Variants in FRMD5 observed in about 807,000 individuals in gnomAD.
FRMD5 encodes FERM domain containing 5, also known as FERM domain-containing protein 5.
FRMD5 carries 20 observed loss-of-function variants against 69.0 expected under a neutral mutation model. That is an observed-to-expected ratio of 0.29 (90% CI 0.20 to 0.42). The LOEUF (loss-of-function observed/expected upper bound fraction) is 0.42, where lower values mean the gene tolerates loss of function less well. Ranked by LOEUF, FRMD5 falls within the 10% of genes least tolerant of loss-of-function variation. FRMD5 has a pLI of 1.00. For missense variants in FRMD5, 595 were observed against 708.6 expected (o/e 0.84, Z 1.82); for synonymous variants, 271 against 260.1 (o/e 1.04, Z -0.40).
intron 1 of FRMD5, among the ~76,000 whole-genome samples, chr15:44,033,997 A>G (rs1014642316): frequency 4.6e-5 from 7 of 152,198 alleles, no homozygotes; most frequent in Non-Finnish European, 8.8e-5. Flanking sequence ...TTATACAGGA[A>G]AACACAATAG....
At chr15:44,049,036 T>C (rs894117129) in intron 1 of FRMD5, among the ~76,000 whole-genome samples, 1 of 152,200 alleles carries the variant, frequency 6.6e-6, no homozygotes, top group African/African-American at 2.4e-5. Context: ...ATTGCAATAG[T>C]GCAACCAACA....
At chr15:44,127,721 A>G (rs2615280) in intron 1 of FRMD5, among the ~76,000 whole-genome samples, 124,588 of 151,986 alleles carry the variant, frequency 0.82, 53,585 homozygotes, top group Non-Finnish European at 0.94. Context: ...AAAAAAATAC[A>G]AAAATTAGCT....
chr15:43,873,695 T>C lies in FRMD5; in HGVS notation c.*190A>G. 8 of 1,513,982 alleles carry C rather than the reference T, an allele frequency of 5.3e-6. No homozygotes were observed. The highest frequency in any genetic ancestry group is 7.0e-6 in the Non-Finnish European group (8 of 1,141,072). The allele number at this position is 1,513,982 out of a possible 1,614,324, so 93.8% of individuals were successfully genotyped here. A position where few individuals can be genotyped will look rare whatever the true frequency, so the allele number is the denominator to read the frequency against. The stretch of plus-strand genomic sequence containing the variant: ...CTGAAGAAAATGAGTTTTCCCAGTT[T>C]GTTTAGACAGGGCATGAGCCTATCC... On this transcript the variant is annotated 3_prime_UTR_variant, in exon 14 of 14. Transcript: ENST00000417257.
chr15:44,122,435 G>A (rs148852556), intron 1 of FRMD5, among the ~76,000 whole-genome samples: 2,097 of 152,102 alleles, frequency 0.014, 41 homozygotes, highest in African/African-American at 0.043. Flanking sequence ...GCATGGTGGT[G>A]CATGCCTGTA....
intron 1 of FRMD5, among the ~76,000 whole-genome samples, chr15:44,102,875 C>T (rs892844207): frequency 6.6e-6 from 1 of 152,158 alleles, no homozygotes; most frequent in Non-Finnish European, 1.5e-5. Flanking sequence ...ATCAGAAAGG[C>T]TCACTAGTCA....
intron 1 of FRMD5, among the ~76,000 whole-genome samples, chr15:44,088,632 G>C (rs1894303602): frequency 6.6e-6 from 1 of 152,118 alleles, no homozygotes; most frequent in African/African-American, 2.4e-5. Context: ...ACTCAGGACT[G>C]AAGTTAAGAG....
intron 1 of FRMD5, among the ~76,000 whole-genome samples, chr15:44,084,170 C>G (rs531970660): frequency 1.1e-4 from 16 of 151,914 alleles, no homozygotes; most frequent in African/African-American, 2.9e-4. Flanking sequence ...TATAATGAGG[C>G]GGCTAATCTC....
At chr15:43,886,314 A>G (rs1374198987) in intron 10 of FRMD5, among the ~76,000 whole-genome samples, 2 of 152,194 alleles carry the variant, frequency 1.3e-5, no homozygotes, top group African/African-American at 2.4e-5. Context: ...CCTAAAATAC[A>G]TGACCACAGT....
intron 1 of FRMD5, among the ~76,000 whole-genome samples, chr15:43,938,055 C>G (rs983128097): frequency 5.3e-5 from 8 of 151,894 alleles, no homozygotes; most frequent in African/African-American, 1.9e-4. Context: ...CACGGTGAAA[C>G]TCTGTCTCTA....
At chr15:44,019,464 G>A (rs1196139110) in intron 1 of FRMD5, among the ~76,000 whole-genome samples, 10 of 150,526 alleles carry the variant, frequency 6.6e-5, no homozygotes, top group South Asian at 2.1e-4. Flanking sequence ...GGCCAGGCAC[G>A]GTGCCTCACA....
At chr15:43,913,303 A>G (rs576553112) in intron 4 of FRMD5, among the ~76,000 whole-genome samples, 25 of 152,354 alleles carry the variant, frequency 1.6e-4, no homozygotes, top group African/African-American at 6.0e-4. Context: ...CAATGTCATA[A>G]AACTAGATGG....
At chr15:44,050,524 C>T (rs568333374) in intron 1 of FRMD5, among the ~76,000 whole-genome samples, 9 of 115,610 alleles carry the variant, frequency 7.8e-5, no homozygotes, top group Non-Finnish European at 1.4e-4. Flanking sequence ...CCATGCCTGG[C>T]TCCCTTTTTT....
At chr15:44,174,872 A>C (rs75692941) in intron 1 of FRMD5, among the ~76,000 whole-genome samples, 5,541 of 152,128 alleles carry the variant, frequency 0.036, 312 homozygotes, top group African/African-American at 0.11. Flanking sequence ...ACATGGACAC[A>C]GGGAGGGAAC....
chr15:44,114,866 G>A (rs986525535), intron 1 of FRMD5, among the ~76,000 whole-genome samples: 7 of 152,176 alleles, frequency 4.6e-5, no homozygotes, highest in African/African-American at 1.4e-4. Context: ...AAAGAATGAC[G>A]AAGACTGTGG....
chr15:44,181,235 G>A (rs544700304), intron 1 of FRMD5, among the ~76,000 whole-genome samples: 9 of 151,838 alleles, frequency 5.9e-5, no homozygotes, highest in East Asian at 1.9e-4. Flanking sequence ...TAGAGACAGC[G>A]GTCTCACTAT....
At chr15:43,903,044 G>A (rs2089084420) in intron 6 of FRMD5, among the ~76,000 whole-genome samples, 1 of 152,240 alleles carries the variant, frequency 6.6e-6, no homozygotes, top group South Asian at 2.1e-4. Context: ...GCTGAAAAAG[G>A]CAGAGATCAG....
At chr15:44,161,326 C>T (rs768790914) in intron 1 of FRMD5, among the ~76,000 whole-genome samples, 1 of 152,182 alleles carries the variant, frequency 6.6e-6, no homozygotes, top group Non-Finnish European at 1.5e-5. Context: ...GTCCTGCCTG[C>T]ACCTCTGAGT....
At chr15:43,925,957 T>C (rs1451660703) in intron 1 of FRMD5, among the ~76,000 whole-genome samples, 1 of 152,234 alleles carries the variant, frequency 6.6e-6, no homozygotes, top group Non-Finnish European at 1.5e-5. Flanking sequence ...AATTATCTTG[T>C]TGATTTGTTT....
chr15:44,038,957 C>G (rs1892058920), intron 1 of FRMD5, among the ~76,000 whole-genome samples: 1 of 152,188 alleles, frequency 6.6e-6, no homozygotes. Context: ...TTGCTGCTAG[C>G]ACAGCAGTCT....
Sources: allele counts gnomAD v4.1 joint callset (sites outside exome capture counted in the v4.1 genomes callset), GRCh38; gene constraint gnomAD v4.1.1; transcripts MANE v1.5; gene names NCBI Gene and HGNC (gene_info 2026-07-23, HGNC 2026-07-21).